UBE2K: variants seen among roughly 807,000 people sequenced by gnomAD.
UBE2K encodes the protein ubiquitin-conjugating enzyme E2 K.
Under a neutral mutation model 30.0 loss-of-function variants are expected in UBE2K, and 6 were observed. The observed-to-expected ratio is 0.20, with a 90% CI of 0.11 to 0.39. The LOEUF (loss-of-function observed/expected upper bound fraction) is 0.39, where lower values mean the gene tolerates loss of function less well. Among genes scored for constraint, UBE2K ranks in the 10% least tolerant of loss-of-function variants. The probability of loss-of-function intolerance (pLI) is 1.00; values close to 1 mark genes in which losing one functional copy is unlikely to be tolerated. For missense variants in UBE2K, 61 were observed against 241.6 expected (o/e 0.25, Z 4.96); for synonymous variants, 86 against 83.7 (o/e 1.03, Z -0.15).
In UBE2K at chr4:39,779,046, C is replaced by T. The variant is rs1560385046; in HGVS notation, c.*612C>T. 2 of 144,984 alleles carry T rather than the reference C, an allele frequency of 1.4e-5. No individual in the cohort carries two copies. Among genetic ancestry groups the T allele is most frequent in the African/African-American group, 5.1e-5 (2 of 38,970 alleles). The allele number at this position is 144,984 out of a possible 1,614,324, so 9.0% of individuals were successfully genotyped here. A position where few individuals can be genotyped will look rare whatever the true frequency, so the allele number is the denominator to read the frequency against. Reference sequence around the variant, plus strand: ...ACAGTGTCTGATTCCCCCTTCACCCCCCCCACCCCCGCCTTGCCACACACA... The same window carrying T: ...ACAGTGTCTGATTCCCCCTTCACCCTCCCCACCCCCGCCTTGCCACACACA... On this transcript the variant is annotated 3_prime_UTR_variant, in exon 7 of 7. Transcript: ENST00000261427.
intron 1 of UBE2K, among the ~76,000 whole-genome samples, chr4:39,705,926 T>TGCAACCTCCGCCTCCCAGGTTCAACCA (rs1560338358): frequency 6.8e-6 from 1 of 147,512 alleles, no homozygotes; most frequent in Non-Finnish European, 1.5e-5. Context: ...CTCAGCTCAC[T>TGCAACCTCCGCCTCCCAGGTTCAACCA]GCAACCTCCG....
At chr4:39,767,485 G>A (rs554360285) in intron 4 of UBE2K, among the ~76,000 whole-genome samples, 2 of 151,726 alleles carry the variant, frequency 1.3e-5, no homozygotes, top group African/African-American at 2.4e-5. Flanking sequence ...CACCACGCCC[G>A]GCTAATTTTT....
At chr4:39,737,364 C>A in intron 1 of UBE2K, 56 bp from the exon 2 acceptor site, 1 of 1,090,554 alleles carries the variant, frequency 9.2e-7, no homozygotes, top group Non-Finnish European at 1.3e-6. Flanking sequence ...ATAGGTAATA[C>A]TTTAGGCGTT....
At chr4:39,765,327 C>G (rs920192394) in intron 4 of UBE2K, among the ~76,000 whole-genome samples, 6 of 151,786 alleles carry the variant, frequency 4.0e-5, no homozygotes, top group African/African-American at 1.5e-4. Flanking sequence ...AGTTCAAGAC[C>G]AGCCTGGGCA....
At chr4:39,711,477 G>C (rs778316914) in intron 1 of UBE2K, among the ~76,000 whole-genome samples, 8 of 151,856 alleles carry the variant, frequency 5.3e-5, no homozygotes, top group Non-Finnish European at 1.0e-4. Flanking sequence ...ATTTTTTAAA[G>C]ATCTGTGATA....
chr4:39,756,764 G>A (rs1266855690), intron 4 of UBE2K, among the ~76,000 whole-genome samples: 2 of 152,126 alleles, frequency 1.3e-5, no homozygotes, highest in African/African-American at 4.8e-5. Context: ...AAAAGTAATT[G>A]GAGTGGGAGA....
At chr4:39,721,501 G>A (rs774151786) in intron 1 of UBE2K, among the ~76,000 whole-genome samples, 2 of 151,880 alleles carry the variant, frequency 1.3e-5, no homozygotes, top group Admixed American at 6.6e-5. Context: ...CTACAGGCAC[G>A]TGCCACCACG....
At chr4:39,746,456 C>CT (rs1383177377) in intron 3 of UBE2K, among the ~76,000 whole-genome samples, 1 of 152,166 alleles carries the variant, frequency 6.6e-6, no homozygotes, top group African/African-American at 2.4e-5. Context: ...CCTGTTTTGT[C>CT]TATTATTTAA....
chr4:39,717,758 G>C (rs913694321), intron 1 of UBE2K, among the ~76,000 whole-genome samples: 1 of 152,108 alleles, frequency 6.6e-6, no homozygotes, highest in Non-Finnish European at 1.5e-5. Flanking sequence ...AAGGCGGCGT[G>C]TCCGGAGTTT....
chr4:39,764,912 A>G (rs1197998450), intron 4 of UBE2K, among the ~76,000 whole-genome samples: 1 of 147,588 alleles, frequency 6.8e-6, no homozygotes, highest in Non-Finnish European at 1.5e-5. Context: ...TCGAGACAAG[A>G]GTCTCACTCT....
chr4:39,768,463 A>AAAT (rs1712500346), intron 4 of UBE2K, among the ~76,000 whole-genome samples: 1 of 151,668 alleles, frequency 6.6e-6, no homozygotes, highest in African/African-American at 2.4e-5. Context: ...AAAAAAAAAA[A>AAAT]AATGTAAAAA....
chr4:39,728,144 ATAAG>A (rs1719858944), intron 1 of UBE2K, among the ~76,000 whole-genome samples: 1 of 151,890 alleles, frequency 6.6e-6, no homozygotes. Flanking sequence ...AAAAAAAAAA[ATAAG>A]TAAAAGAAAA....
intron 1 of UBE2K, among the ~76,000 whole-genome samples, chr4:39,703,282 G>T (rs1015782076): frequency 6.6e-6 from 1 of 152,046 alleles, no homozygotes; most frequent in Non-Finnish European, 1.5e-5. Context: ...ATTTTAGGAG[G>T]CTGAGACTCG....
At chr4:39,753,160 G>A (rs1240104695) in intron 3 of UBE2K, among the ~76,000 whole-genome samples, 1 of 152,146 alleles carries the variant, frequency 6.6e-6, no homozygotes, top group African/African-American at 2.4e-5. Flanking sequence ...AGCCTATGTC[G>A]GGTGGATCTC....
intron 4 of UBE2K, chr4:39,771,467 T>C: frequency 2.0e-6 from 3 of 1,534,938 alleles, no homozygotes. Context: ...CTGGCCCGGT[T>C]CCGCGCGCTG....
chr4:39,773,897 G>C (rs1240995780), intron 4 of UBE2K, among the ~76,000 whole-genome samples: 6 of 151,600 alleles, frequency 4.0e-5, no homozygotes, highest in African/African-American at 1.5e-4. Context: ...CTCCAGCCTG[G>C]GCGACAGAGT....
At chr4:39,722,059 C>A (rs1185965822) in intron 1 of UBE2K, among the ~76,000 whole-genome samples, 2 of 152,074 alleles carry the variant, frequency 1.3e-5, no homozygotes, top group Non-Finnish European at 2.9e-5. Context: ...CCTCTGCAGT[C>A]CGGCCTAGGT....
At chr4:39,753,979 G>A (rs972538877) in intron 3 of UBE2K, among the ~76,000 whole-genome samples, 12 of 152,070 alleles carry the variant, frequency 7.9e-5, no homozygotes, top group Admixed American at 4.6e-4. Context: ...CCAAGATCGC[G>A]CCACTGCACT....
At chr4:39,773,827 A>G (rs147670040) in intron 4 of UBE2K, among the ~76,000 whole-genome samples, 3 of 152,016 alleles carry the variant, frequency 2.0e-5, no homozygotes, top group Non-Finnish European at 4.4e-5. Flanking sequence ...AGGCTGAGGC[A>G]GGAGAATAGC....
Sources: allele counts gnomAD v4.1 joint callset (sites outside exome capture counted in the v4.1 genomes callset), GRCh38; gene constraint gnomAD v4.1.1; transcripts MANE v1.5; gene names NCBI Gene and HGNC (gene_info 2026-07-23, HGNC 2026-07-21).